FANCC: variants seen among roughly 807,000 people sequenced by gnomAD.
FANCC encodes the protein Fanconi anemia group C protein.
FANCC carries 55 observed loss-of-function variants against 71.3 expected under a neutral mutation model. The ratio of observed to expected loss-of-function variants is 0.77; its 90% confidence interval spans 0.62 to 0.97. FANCC has a LOEUF of 0.97. Ranked by LOEUF, FANCC falls within the 50% of genes least tolerant of loss-of-function variation. FANCC has a pLI of 0.00. For missense variants in FANCC, 678 were observed against 670.9 expected (o/e 1.01, Z -0.12); for synonymous variants, 275 against 244.9 (o/e 1.12, Z -1.15).
chr9:95,254,899 C>T lies in FANCC; in HGVS notation c.-78-5530G>A, dbSNP rs1024421415. On this transcript the variant is annotated intron_variant, in intron 1 of 14. Coordinates refer to ENST00000289081, the MANE Select transcript of FANCC (RefSeq NM_000136.3). ...TGCTTGAGCTTGGTGGGGGGAGGGG[C>T]GTCCCCCATTACTGAGGCTTGAGAA... Among the ~76,000 whole-genome samples the T allele has an allele frequency of 5.3e-5, 8 of 152,200 alleles. No individual in the cohort carries two copies. In the South Asian group the frequency reaches 1.2e-3, roughly 24 times the overall value.
intron 1 of FANCC, among the ~76,000 whole-genome samples, chr9:95,258,714 A>G (rs1831826453): frequency 6.6e-6 from 1 of 152,236 alleles, no homozygotes; most frequent in South Asian, 2.1e-4. Flanking sequence ...ATAAAGAAAT[A>G]AAGCATATTC....
intron 7 of FANCC, among the ~76,000 whole-genome samples, chr9:95,138,327 TG>T (rs1350976787): frequency 1.3e-5 from 2 of 152,330 alleles, no homozygotes; most frequent in African/African-American, 2.4e-5. Context: ...ACGCCGTGCC[TG>T]TGCTTATGCC....
rs554434140 is a variant in FANCC, at chr9:95,210,537, T to C, written c.345+30112A>G. 2.0e-5 allele frequency among the ~76,000 whole-genome samples: 3 copies of C among 152,240 alleles called. No individual in the cohort carries two copies. In the East Asian group the frequency reaches 5.8e-4, roughly 29 times the overall value. Reference sequence around the variant, plus strand: ...AAAGCTTTACACACACACATACACATACACACTATATATAATCACTTAATC... The same window carrying C: ...AAAGCTTTACACACACACATACACACACACACTATATATAATCACTTAATC... On this transcript the variant is annotated intron_variant, in intron 4 of 14. Coordinates refer to ENST00000289081, the MANE Select transcript of FANCC (RefSeq NM_000136.3).
rs917362559 is a variant in FANCC, at chr9:95,316,250, T to TA, written c.-79+1275dup. Among the ~76,000 whole-genome samples, 14 of 152,372 alleles carry TA rather than the reference T, an allele frequency of 9.2e-5. No individual in the cohort carries two copies. The East Asian group carries it at 9.6e-4, about 10-fold the overall frequency. ...TTCTTTTTCGATGCAGCCTTTCTTG[T>TA]ATATGAATAATGTATATGAGTGCTT... On this transcript the variant is annotated intron_variant, in intron 1 of 14. Coordinates refer to ENST00000289081, the MANE Select transcript of FANCC (RefSeq NM_000136.3).
rs563420469 is a variant in FANCC, at chr9:95,184,458, G to T, written c.346-12311C>A. ...AAAAGAAAGAAATGTCCTCTACAGAGTAAGATGGACCACCACTCCCCGGCA... is the reference window on the plus strand; with the variant it reads ...AAAAGAAAGAAATGTCCTCTACAGATTAAGATGGACCACCACTCCCCGGCA... On this transcript the variant is annotated intron_variant, in intron 4 of 14. Transcript: ENST00000289081. Among the ~76,000 whole-genome samples, 6 of 152,228 alleles carry T rather than the reference G, an allele frequency of 3.9e-5. No homozygotes were observed. The East Asian group carries it at 1.2e-3, about 29-fold the overall frequency.
intron 7 of FANCC, among the ~76,000 whole-genome samples, chr9:95,141,665 G>A (rs1333087607): frequency 1.3e-5 from 2 of 152,198 alleles, no homozygotes; most frequent in Admixed American, 1.3e-4. Context: ...GGCTCCTCAA[G>A]AGTAATTCTA....
At chr9:95,176,695 T>C (rs1365016820) in intron 4 of FANCC, among the ~76,000 whole-genome samples, 1 of 152,278 alleles carries the variant, frequency 6.6e-6, no homozygotes, top group African/African-American at 2.4e-5. Context: ...AACAGGTGGC[T>C]ACTGTTATTG....
intron 4 of FANCC, among the ~76,000 whole-genome samples, chr9:95,207,361 C>T (rs1828195759): frequency 6.6e-6 from 1 of 152,186 alleles, no homozygotes; most frequent in Non-Finnish European, 1.5e-5. Context: ...CTCTGTAGTG[C>T]TCCTGCCAAG....
chr9:95,177,770 GAATGC>G (rs1438207596), intron 4 of FANCC, among the ~76,000 whole-genome samples: 2 of 152,110 alleles, frequency 1.3e-5, no homozygotes, highest in African/African-American at 2.4e-5. Flanking sequence ...GTGCTGGTGT[GAATGC>G]AAACCCCGCT....
chr9:95,229,800 CACACAT>C (rs1003977313), intron 4 of FANCC, among the ~76,000 whole-genome samples: 17 of 150,142 alleles, frequency 1.1e-4, no homozygotes, highest in South Asian at 1.1e-3. Context: ...CACACACACA[CACACAT>C]TGTAATTCTT....
At chr9:95,204,429 T>A (rs1827992107) in intron 4 of FANCC, among the ~76,000 whole-genome samples, 2 of 152,276 alleles carry the variant, frequency 1.3e-5, no homozygotes, top group South Asian at 2.1e-4. Context: ...TTCCACTGGG[T>A]CTCAGGCAGC....
intron 13 of FANCC, 164 bp from the exon 14 acceptor site, chr9:95,107,433 C>G (rs1588030807): frequency 1.4e-6 from 1 of 722,698 alleles, no homozygotes; most frequent in East Asian, 2.7e-5. Flanking sequence ...TTCACACAAA[C>G]CCAAATGGGC....
intron 6 of FANCC, among the ~76,000 whole-genome samples, chr9:95,157,128 T>G (rs574260667): frequency 4.3e-5 from 4 of 93,928 alleles, no homozygotes; most frequent in Non-Finnish European, 6.3e-5. Context: ...TTTTCCTGTG[T>G]TTTTTTTTCC....
intron 4 of FANCC, among the ~76,000 whole-genome samples, chr9:95,172,505 G>A (rs983755870): frequency 6.6e-6 from 1 of 151,996 alleles, no homozygotes; most frequent in East Asian, 1.9e-4. Flanking sequence ...GGTCAGATGG[G>A]TAACGTGCCG....
intron 1 of FANCC, among the ~76,000 whole-genome samples, chr9:95,275,865 A>G (rs1374604627): frequency 6.6e-6 from 1 of 152,170 alleles, no homozygotes; most frequent in Non-Finnish European, 1.5e-5. Flanking sequence ...AAAAAGAAAA[A>G]AAAGAATGCA....
chr9:95,249,132 C>T lies in FANCC; in HGVS notation c.160G>A (p.Glu54Lys), dbSNP rs1564794487. ...TATTCTGGTCCACTACTTACCATCT[C>T]TTTCAAGGCTTCATACATCTTCCTT... ...FLRKMYEALK[E>K]MDSNTVIERF... Residue 54 changes from glutamate to lysine, a missense_variant, in exon 2 of 15, where the codon GAG becomes AAG. Coordinates refer to ENST00000289081, the MANE Select transcript of FANCC (RefSeq NM_000136.3). 1 of 1,613,822 alleles carries T rather than the reference C, an allele frequency of 6.2e-7. No individual in the cohort carries two copies. Among genetic ancestry groups the T allele is most frequent in the African/African-American group, 1.3e-5 (1 of 74,906 alleles).
chr9:95,302,490 T>C (rs1252876236), intron 1 of FANCC, among the ~76,000 whole-genome samples: 1 of 152,170 alleles, frequency 6.6e-6, no homozygotes, highest in Non-Finnish European at 1.5e-5. Context: ...TGGGGTAGAT[T>C]CCAGGAAATT....
At chr9:95,238,694 T>C (rs529591906) in intron 4 of FANCC, among the ~76,000 whole-genome samples, 1 of 152,226 alleles carries the variant, frequency 6.6e-6, no homozygotes, top group East Asian at 1.9e-4. Context: ...GCCTCCCTAG[T>C]AGCTGAGAGT....
intron 6 of FANCC, among the ~76,000 whole-genome samples, chr9:95,163,370 G>A (rs1485573630): frequency 6.6e-6 from 1 of 152,106 alleles, no homozygotes; most frequent in East Asian, 1.9e-4. Context: ...GGAAGTATGA[G>A]GCTTCCACCT....
Sources: allele counts gnomAD v4.1 joint callset (sites outside exome capture counted in the v4.1 genomes callset), GRCh38; gene constraint gnomAD v4.1.1; transcripts MANE v1.5; gene names NCBI Gene and HGNC (gene_info 2026-07-23, HGNC 2026-07-21).